PCDHGA4: variants seen among roughly 807,000 people sequenced by gnomAD.
PCDHGA4 encodes the protein protocadherin gamma-A4.
A neutral mutation model predicts 54.6 loss-of-function variants in PCDHGA4; 38 were observed. The observed-to-expected ratio is 0.70, with a 90% CI of 0.54 to 0.91. PCDHGA4 has a LOEUF of 0.91. Among genes scored for constraint, PCDHGA4 ranks in the 40% least tolerant of loss-of-function variants. The pLI, the probability that PCDHGA4 is intolerant of heterozygous loss-of-function variation, is 0.00. For synonymous variants in PCDHGA4, 511 were observed against 512.9 expected, an observed-to-expected ratio of 1.00 and a Z score of 0.05; for missense variants, 1,298 against 1,220.9, an observed-to-expected ratio of 1.06 and a Z score of -0.94.
chr5:141,466,799 C>T (rs1049340129), intron 1 of PCDHGA4, among the ~76,000 whole-genome samples: 1 of 152,056 alleles, frequency 6.6e-6, no homozygotes, highest in African/African-American at 2.4e-5. Flanking sequence ...CAAACTAGAT[C>T]CTATTCAGAC....
chr5:141,387,422 TA>T (rs1406219674), intron 1 of PCDHGA4, among the ~76,000 whole-genome samples: 1 of 152,248 alleles, frequency 6.6e-6, no homozygotes, highest in Non-Finnish European at 1.5e-5. Context: ...CTTATGTCAA[TA>T]AATGTTTATG....
chr5:141,400,543 T>C (rs2094038969), intron 1 of PCDHGA4: 1 of 1,613,794 alleles, frequency 6.2e-7, no homozygotes. Flanking sequence ...CATTTATGTC[T>C]ATTCTTTTTC....
At chr5:141,375,511 A>G (rs372798366) in intron 1 of PCDHGA4, 69 of 1,613,842 alleles carry the variant, frequency 4.3e-5, no homozygotes, top group Non-Finnish European at 5.4e-5. Flanking sequence ...CTGTGAATGC[A>G]CTGGACCCTG....
intron 1 of PCDHGA4, among the ~76,000 whole-genome samples, chr5:141,358,442 G>A (rs72790009): frequency 0.023 from 3,459 of 152,132 alleles, 53 homozygotes; most frequent in South Asian, 0.038. Flanking sequence ...AACAGGCAAC[G>A]TCAATTTAAG....
chr5:141,489,271 G>A lies in PCDHGA4; in HGVS notation c.2515-5536G>A, dbSNP rs1431562179. The A allele has an allele frequency of 2.4e-5, 37 of 1,554,676 alleles. No individual in the cohort carries two copies. The highest frequency in any genetic ancestry group is 3.0e-5 in the Non-Finnish European group (35 of 1,150,770). ...GCCCAAGACACTCCCACAGCTCGCT[G>A]GGAAATGGCAAGTGCTGTGCATGTT... On this transcript the variant is annotated intron_variant, in intron 1 of 3. Transcript: ENST00000571252. The surrounding 1 kb of genome is among the most constrained non-coding windows in gnomAD (Gnocchi z 4.5).
At chr5:141,402,799 C>G in intron 1 of PCDHGA4, 1 of 1,061,846 alleles carries the variant, frequency 9.4e-7, no homozygotes, top group Non-Finnish European at 1.3e-6. Flanking sequence ...TACACAAAAC[C>G]CGGCAGATAC....
chr5:141,490,942 C>A lies in PCDHGA4; in HGVS notation c.2515-3865C>A, dbSNP rs371286343. On this transcript the variant is annotated intron_variant, in intron 1 of 3. Coordinates refer to ENST00000571252, the MANE Select transcript of PCDHGA4 (RefSeq NM_018917.4). This position sits in a 1 kb window ranked among gnomAD's most constrained non-coding sequence, Gnocchi z 5.4. ...TAATGCCCCAGCTGTGCTGCACCCA[C>A]GGCCAGACTGGGAACACTCAGCCCC... The A allele has an allele frequency of 3.0e-5, 49 of 1,613,526 alleles. No individual in the cohort carries two copies. The highest frequency in any genetic ancestry group is 4.1e-5 in the Non-Finnish European group (48 of 1,179,768).
chr5:141,450,251 C>T (rs2154563018), intron 1 of PCDHGA4, among the ~76,000 whole-genome samples: 1 of 152,200 alleles, frequency 6.6e-6, no homozygotes. Context: ...CTCCTGACCT[C>T]AAGTGATCTG....
Position 141,486,142 on chromosome 5 carries a change from C to T in PCDHGA4, c.2515-8665C>T. 6.2e-7 allele frequency: 1 copy of T among 1,614,200 alleles called. No homozygotes were observed. The highest frequency in any genetic ancestry group is 1.3e-5 in the African/African-American group (1 of 75,052). ...ACTATGAATTTGATGTGCGGGCTCG[C>T]GATGGGGGTTCTCCAGCCATGGAGC... On this transcript the variant is annotated intron_variant, in intron 1 of 3. Coordinates refer to ENST00000571252, the MANE Select transcript of PCDHGA4 (RefSeq NM_018917.4). This position sits in a 1 kb window ranked among gnomAD's most constrained non-coding sequence, Gnocchi z 5.0.
intron 1 of PCDHGA4, among the ~76,000 whole-genome samples, chr5:141,465,137 GGGGA>G (rs2099097662): frequency 2.0e-5 from 3 of 151,520 alleles, no homozygotes; most frequent in Non-Finnish European, 4.4e-5. Context: ...AAAAAGTTTA[GGGGA>G]TATATGAAGG....
chr5:141,448,834 A>G (rs910945659), intron 1 of PCDHGA4, among the ~76,000 whole-genome samples: 2 of 151,780 alleles, frequency 1.3e-5, no homozygotes, highest in African/African-American at 4.8e-5. Context: ...AGTCCCAGCT[A>G]CTCTGGAGGC....
chr5:141,490,941 A>G lies in PCDHGA4; in HGVS notation c.2515-3866A>G. The G allele has an allele frequency of 6.2e-7, 1 of 1,613,628 alleles. No homozygotes were observed. The highest frequency in any genetic ancestry group is 8.5e-7 in the Non-Finnish European group (1 of 1,179,772). On this transcript the variant is annotated intron_variant, in intron 1 of 3. Coordinates refer to ENST00000571252, the MANE Select transcript of PCDHGA4 (RefSeq NM_018917.4). The surrounding 1 kb of genome is among the most constrained non-coding windows in gnomAD (Gnocchi z 5.4). ...ATAATGCCCCAGCTGTGCTGCACCC[A>G]CGGCCAGACTGGGAACACTCAGCCC... is the stretch of plus-strand genomic sequence containing the variant.
chr5:141,402,977 C>T, intron 1 of PCDHGA4: 2 of 1,608,138 alleles, frequency 1.2e-6, no homozygotes, highest in Non-Finnish European at 8.5e-7. Flanking sequence ...CAAATGCCAG[C>T]TCCGCGGAAG....
Position 141,487,229 on chromosome 5 carries a change from G to A in PCDHGA4, c.2515-7578G>A. On this transcript the variant is annotated intron_variant, in intron 1 of 3. Coordinates refer to ENST00000571252, the MANE Select transcript of PCDHGA4 (RefSeq NM_018917.4). The surrounding 1 kb of genome is among the most constrained non-coding windows in gnomAD (Gnocchi z 5.0). ...AGAATCTTCAGCTCCAAGGGAAGGA[G>A]AATCTCGTCTAACCCTCTACTTGGC... is the stretch of plus-strand genomic sequence containing the variant. The A allele has an allele frequency of 6.2e-7, 1 of 1,614,138 alleles. No individual in the cohort carries two copies. The highest frequency in any genetic ancestry group is 8.5e-7 in the Non-Finnish European group (1 of 1,179,994).
chr5:141,505,078 C>G (rs535590642), intron 2 of PCDHGA4, among the ~76,000 whole-genome samples: 81 of 152,298 alleles, frequency 5.3e-4, no homozygotes, highest in African/African-American at 2.0e-3. Flanking sequence ...AGGAGAATCG[C>G]TTGAACCCAG....
At chr5:141,370,485 G>A (rs905115445) in intron 1 of PCDHGA4, 1 of 1,613,916 alleles carries the variant, frequency 6.2e-7, no homozygotes. Context: ...GGCTCTCTCC[G>A]AACCGATCCG....
chr5:141,420,065 G>A (rs1253164840), intron 1 of PCDHGA4: 4 of 1,614,018 alleles, frequency 2.5e-6, no homozygotes, highest in Non-Finnish European at 3.4e-6. Flanking sequence ...CTCCAAGTCC[G>A]GACCTGTGGG....
At chr5:141,381,603 T>C (rs751788788) in intron 1 of PCDHGA4, among the ~76,000 whole-genome samples, 4 of 152,242 alleles carry the variant, frequency 2.6e-5, no homozygotes, top group African/African-American at 4.8e-5. Context: ...TTCTTATGAA[T>C]TCACAGCCCA....
At chr5:141,428,066 A>T in intron 1 of PCDHGA4, 2 of 1,609,118 alleles carry the variant, frequency 1.2e-6, no homozygotes, top group Non-Finnish European at 1.7e-6. Context: ...CGGTGGACGC[A>T]GATTCGGGAC....
Sources: allele counts gnomAD v4.1 joint callset (sites outside exome capture counted in the v4.1 genomes callset), GRCh38; gene constraint gnomAD v4.1.1; non-coding constraint Gnocchi (gnomAD v3.1); transcripts MANE v1.5; gene names NCBI Gene and HGNC (gene_info 2026-07-23, HGNC 2026-07-21).